The following LATS2 variants were observed in gnomAD, a reference collection of about 807,000 sequenced individuals.
The protein encoded by LATS2 is serine/threonine-protein kinase LATS2.
Under a neutral mutation model 76.0 loss-of-function variants are expected in LATS2, and 24 were observed. That is an observed-to-expected ratio of 0.32 (90% confidence interval 0.23 to 0.44). LATS2 has a LOEUF of 0.44. LATS2 is among the 20% of genes least tolerant of loss of function. The pLI, the probability that LATS2 is intolerant of heterozygous loss-of-function variation, is 1.00. For missense variants in LATS2, 1,286 were observed against 1,481.2 expected, an observed-to-expected ratio of 0.87 and a Z score of 2.16; for synonymous variants, 692 against 635.4, an observed-to-expected ratio of 1.09 and a Z score of -1.34.
At position 20,989,408 on chromosome 13, in the gene LATS2, G is replaced by T. The variant is rs186525057; in HGVS notation, c.476-104C>A. 6.4e-4 allele frequency: 784 copies of T among 1,228,230 alleles called. 7 individuals carry two copies. Among genetic ancestry groups the T allele is most frequent in the African/African-American group, 6.4e-3 (430 of 67,712 alleles). The allele number at this position is 1,228,230 out of a possible 1,614,324, so 76.1% of individuals were successfully genotyped here. ...TCTAGCGCTGCCCTCGGGGCTGAGGGTCTTGAACCCTGGGCCCTGACGTGC... is the reference window on the plus strand; with the variant it reads ...TCTAGCGCTGCCCTCGGGGCTGAGGTTCTTGAACCCTGGGCCCTGACGTGC... On this transcript the variant is annotated intron_variant, in intron 3 of 7. Coordinates refer to ENST00000382592, the MANE Select transcript of LATS2 (RefSeq NM_014572.3).
intron 2 of LATS2, among the ~76,000 whole-genome samples, chr13:20,993,368 C>A (rs1233736404): frequency 2.0e-5 from 3 of 152,190 alleles, no homozygotes; most frequent in South Asian, 4.1e-4. Context: ...ATATGATGGT[C>A]TAATACTGAA....
chr13:21,031,604 C>A (rs1482356129), intron 2 of LATS2, among the ~76,000 whole-genome samples: 1 of 152,114 alleles, frequency 6.6e-6, no homozygotes, highest in African/African-American at 2.4e-5. Context: ...GTAATTCCAG[C>A]ACTTTGGGAA....
intron 2 of LATS2, among the ~76,000 whole-genome samples, chr13:21,040,988 T>C (rs558806883): frequency 2.4e-4 from 37 of 152,226 alleles, no homozygotes; most frequent in African/African-American, 4.3e-4. Flanking sequence ...TTTTTTTTTT[T>C]CTGAGGCAGA....
At chr13:21,049,397 G>A (rs1267409610) in intron 1 of LATS2, among the ~76,000 whole-genome samples, 1 of 152,164 alleles carries the variant, frequency 6.6e-6, no homozygotes, top group Admixed American at 6.5e-5. Flanking sequence ...TTTCAGGTCT[G>A]GAATGAAAGG....
chr13:21,025,630 T>A (rs779988925), intron 2 of LATS2, among the ~76,000 whole-genome samples: 14 of 152,300 alleles, frequency 9.2e-5, no homozygotes, highest in Non-Finnish European at 1.6e-4. Context: ...CTCTGTCTCA[T>A]CGTCATTAGG....
intron 3 of LATS2, among the ~76,000 whole-genome samples, chr13:20,989,968 G>C (rs1870435452): frequency 6.6e-6 from 1 of 152,214 alleles, no homozygotes; most frequent in African/African-American, 2.4e-5. Context: ...GACACCGGAA[G>C]GAAGGACAAA....
At chr13:21,008,083 C>T (rs1163847138) in intron 2 of LATS2, among the ~76,000 whole-genome samples, 1 of 151,948 alleles carries the variant, frequency 6.6e-6, no homozygotes, top group East Asian at 1.9e-4. Flanking sequence ...AAAAGGCCCA[C>T]TCTGGCTCCA....
chr13:21,054,205 C>T (rs941003304), intron 1 of LATS2, among the ~76,000 whole-genome samples: 1 of 152,106 alleles, frequency 6.6e-6, no homozygotes, highest in Non-Finnish European at 1.5e-5. Flanking sequence ...AATCCTAGCA[C>T]TTTGGGAGCT....
chr13:20,993,932 A>C (rs1870626203), intron 2 of LATS2, among the ~76,000 whole-genome samples: 2 of 152,212 alleles, frequency 1.3e-5, no homozygotes, highest in African/African-American at 4.8e-5. Flanking sequence ...CATCAGCACT[A>C]ACCGTTCAAT....
rs953247916 is a variant in LATS2 at position 20,980,779 on chromosome 13, G to A, written c.2665+687C>T. On this transcript the variant is annotated intron_variant, in intron 6 of 7. Coordinates refer to ENST00000382592, the MANE Select transcript of LATS2 (RefSeq NM_014572.3). The stretch of plus-strand genomic sequence containing the variant: ...CAAAGAAAACCCAGACTTGAACTGA[G>A]TCTGGCTGGCTCCAAAGGACTTTAA... Among the ~76,000 whole-genome samples, 4 of 152,182 alleles carry A rather than the reference G, an allele frequency of 2.6e-5. No homozygotes were observed. In the South Asian group the frequency reaches 8.3e-4, roughly 32 times the overall value.
chr13:21,053,162 G>A (rs1278342439), intron 1 of LATS2, among the ~76,000 whole-genome samples: 1 of 149,936 alleles, frequency 6.7e-6, no homozygotes, highest in Non-Finnish European at 1.5e-5. Context: ...TTGAACCCGG[G>A]AGGCGGAGGA....
chr13:21,007,702 A>ATATATATAG (rs1261241223), intron 2 of LATS2, among the ~76,000 whole-genome samples: 1 of 360 alleles, frequency 2.8e-3, no homozygotes, highest in Non-Finnish European at 0.012. Context: ...TATATATAGT[A>ATATATATAG]TGTATATATA....
rs529553339 is a variant in LATS2, at chr13:21,031,077, A to G, written c.342+14608T>C. The stretch of plus-strand genomic sequence containing the variant: ...CTGTCTAATGAGAAGTCAGCTTTTA[A>G]TCTTATCTTTCTTCTGTATGTAACA... On this transcript the variant is annotated intron_variant, in intron 2 of 7. Coordinates refer to ENST00000382592, the MANE Select transcript of LATS2 (RefSeq NM_014572.3). Among the ~76,000 whole-genome samples the G allele has an allele frequency of 2.6e-5, 4 of 152,120 alleles. No individual in the cohort carries two copies. In the South Asian group the frequency reaches 8.3e-4, roughly 32 times the overall value.
intron 2 of LATS2, among the ~76,000 whole-genome samples, chr13:21,009,997 C>A (rs896038044): frequency 6.6e-6 from 1 of 152,040 alleles, no homozygotes; most frequent in Non-Finnish European, 1.5e-5. Context: ...GTCAGGTGTT[C>A]GAGACCAGCC....
chr13:20,997,440 G>A (rs1158838991), intron 2 of LATS2, among the ~76,000 whole-genome samples: 3 of 152,238 alleles, frequency 2.0e-5, no homozygotes, highest in African/African-American at 7.2e-5. Context: ...GTGGCTGAGG[G>A]GTGGGACACC....
rs1386515247 is a variant in LATS2, at chr13:20,991,424, G to A, written c.343-20C>T. On this transcript the variant is annotated intron_variant, in intron 2 of 7. Coordinates refer to ENST00000382592, the MANE Select transcript of LATS2 (RefSeq NM_014572.3). This position sits in a 1 kb window ranked among gnomAD's most constrained non-coding sequence, Gnocchi z 4.9. ...CATCTCCTGGGAGGGAAGTAAAGGA[G>A]AGGTAAGTGCATGTCATCCTAAAAC... 1 of 1,613,842 alleles carries A rather than the reference G, an allele frequency of 6.2e-7. No homozygotes were observed. The highest frequency in any genetic ancestry group is 1.3e-5 in the African/African-American group (1 of 74,926).
intron 2 of LATS2, among the ~76,000 whole-genome samples, chr13:21,022,740 T>C (rs763041640): frequency 3.3e-5 from 5 of 152,104 alleles, no homozygotes; most frequent in Non-Finnish European, 7.4e-5. Flanking sequence ...CCAATTTAGA[T>C]ATGAGAGTGG....
At position 20,991,898 on chromosome 13, in the gene LATS2, C is replaced by T. The variant is rs1218031431; in HGVS notation, c.343-494G>A. Among the ~76,000 whole-genome samples, 2 of 152,170 alleles carry T rather than the reference C, an allele frequency of 1.3e-5. No homozygotes were observed. Among genetic ancestry groups the T allele is most frequent in the East Asian group, 3.9e-4 (2 of 5,182 alleles). On this transcript the variant is annotated intron_variant, in intron 2 of 7. Coordinates refer to ENST00000382592, the MANE Select transcript of LATS2 (RefSeq NM_014572.3). The surrounding 1 kb of genome is among the most constrained non-coding windows in gnomAD (Gnocchi z 4.9). ...TATTACACGCCTACTGTTTACAATGCCCCATGCTGGCTATAGCAGCGGAGG... is the reference window on the plus strand; with the variant it reads ...TATTACACGCCTACTGTTTACAATGTCCCATGCTGGCTATAGCAGCGGAGG...
intron 2 of LATS2, among the ~76,000 whole-genome samples, chr13:21,024,531 A>C (rs1010584192): frequency 6.6e-6 from 1 of 152,072 alleles, no homozygotes; most frequent in Non-Finnish European, 1.5e-5. Flanking sequence ...TCGCCAGGGC[A>C]TATCTAAAAG....
Sources: gnomAD v4.1 joint callset for allele counts (sites outside exome capture counted in the v4.1 genomes callset) on GRCh38, gnomAD v4.1.1 for gene constraint, Gnocchi (gnomAD v3.1) non-coding constraint, MANE v1.5 for transcripts, NCBI Gene and HGNC (gene_info 2026-07-23, HGNC 2026-07-21) for gene names.